The following GRIA3 variants were observed in gnomAD, a reference collection of about 807,000 sequenced individuals.
The protein encoded by GRIA3 is glutamate receptor 3.
Under a neutral mutation model 63.0 loss-of-function variants are expected in GRIA3, and 3 were observed. The observed-to-expected ratio is 0.05, with a 90% CI of 0.02 to 0.12. GRIA3 has a LOEUF of 0.12. Among genes scored for constraint, GRIA3 ranks in the 10% least tolerant of loss-of-function variants. The pLI is 1.00. For missense variants in GRIA3, 347 were observed against 700.9 expected (o/e 0.50, Z 5.70); for synonymous variants, 274 against 257.9 (o/e 1.06, Z -0.60).
At chrX:123,326,554 T>C (rs2044906399) in intron 4 of GRIA3, among the ~76,000 whole-genome samples, 1 of 111,710 alleles carries the variant, frequency 9.0e-6, no homozygotes, top group African/African-American at 3.3e-5. Context: ...CCATACCTTC[T>C]TCCCAACAGG....
chrX:123,483,884 A>G (rs1200347549), intron 15 of GRIA3, among the ~76,000 whole-genome samples: 1 of 110,934 alleles, frequency 9.0e-6, no homozygotes, highest in Non-Finnish European at 1.9e-5. Context: ...GTGAGCCGAG[A>G]TAGTGCCACT....
Position 123,404,810 on chromosome X carries a change from G to A in GRIA3, c.1396G>A (p.Val466Ile). 8.3e-7 allele frequency: 1 copy of A among 1,203,706 alleles called. No homozygotes were observed. The highest frequency in any genetic ancestry group is 1.1e-6 in the Non-Finnish European group (1 of 888,152). The stretch of plus-strand genomic sequence containing the variant: ...CCTAGCCTATGAAATAGCCAAACAT[G>A]TAAGGATCAAATACAAATTGTCCAT... The part of the protein sequence containing the change: ...VDLAYEIAKH[V>I]RIKYKLSIVG... The change falls in exon 10 of 16, where the codon GTA becomes ATA. Residue 466 changes from valine (V) to isoleucine (I), a missense_variant. Physicochemically the swap from Val to Ile is conservative, Grantham distance 29. Transcript: ENST00000620443.
At chrX:123,314,092 A>G (rs954564677) in intron 3 of GRIA3, among the ~76,000 whole-genome samples, 2 of 111,609 alleles carry the variant, frequency 1.8e-5, no homozygotes. Context: ...GTTGTGATCT[A>G]TGGTCAGCTC....
rs1407391033 is a variant in GRIA3, at chrX:123,490,158, GT to G, written c.*1451del. On this transcript the variant is annotated 3_prime_UTR_variant, in exon 16 of 16. Coordinates refer to ENST00000620443, the MANE Select transcript of GRIA3 (RefSeq NM_007325.5). ...TCTCATCGATAACGTGCATTGGGAA[GT>G]TTCCAGACTGCAAAAACTAGGAGCT... The G allele has an allele frequency of 8.9e-6, 1 of 112,825 alleles. No individual in the cohort carries two copies. Among genetic ancestry groups the G allele is most frequent in the Non-Finnish European group, 1.9e-5 (1 of 53,338 alleles). The allele number at this position is 112,825 out of a possible 1,213,427, so 9.3% of individuals were successfully genotyped here.
At chrX:123,456,069 C>T (rs2045759628) in intron 12 of GRIA3, among the ~76,000 whole-genome samples, 1 of 111,526 alleles carries the variant, frequency 9.0e-6, no homozygotes, top group Non-Finnish European at 1.9e-5. Context: ...GGCTAAAGCC[C>T]ACTATGGCAC....
chrX:123,248,584 G>A (rs1040258425), intron 2 of GRIA3, among the ~76,000 whole-genome samples: 6 of 111,173 alleles, frequency 5.4e-5, no homozygotes, highest in Non-Finnish European at 7.5e-5. Flanking sequence ...TCGGGAGTTC[G>A]AGACCAGCCT....
At chrX:123,380,454 G>T (rs142114168) in intron 5 of GRIA3, among the ~76,000 whole-genome samples, 1 of 111,421 alleles carries the variant, frequency 9.0e-6, no homozygotes, top group Non-Finnish European at 1.9e-5. Context: ...TTTTGAGAAG[G>T]GACTGTTCAT....
At chrX:123,184,676 G>A in intron 1 of GRIA3, 32 bp downstream of exon 1, 5 of 1,015,721 alleles carry the variant, frequency 4.9e-6, no homozygotes, top group Non-Finnish European at 7.0e-6. Context: ...GTCGGTCCAG[G>A]CTCTCCCTCA....
At chrX:123,291,766 C>G (rs760519593) in intron 3 of GRIA3, among the ~76,000 whole-genome samples, 2 of 110,151 alleles carry the variant, frequency 1.8e-5, no homozygotes, top group African/African-American at 6.6e-5. Context: ...GCAAGGGAGC[C>G]TGGGAAACAA....
intron 6 of GRIA3, among the ~76,000 whole-genome samples, chrX:123,397,990 T>C (rs1239765407): frequency 8.9e-6 from 1 of 112,005 alleles, no homozygotes; most frequent in Non-Finnish European, 1.9e-5. Flanking sequence ...AGAGGTGGCA[T>C]CATGAAGTAT....
At chrX:123,300,475 G>A (rs774129358) in intron 3 of GRIA3, among the ~76,000 whole-genome samples, 1 of 104,484 alleles carries the variant, frequency 9.6e-6, no homozygotes, top group African/African-American at 3.5e-5. Context: ...TCAGTCTTGG[G>A]AGGGTGTATG....
chrX:123,422,997 G>A (rs373280413), intron 11 of GRIA3, among the ~76,000 whole-genome samples: 1 of 111,807 alleles, frequency 8.9e-6, no homozygotes, highest in Non-Finnish European at 1.9e-5. Flanking sequence ...TTTTTAATAC[G>A]AAATTTATTT....
chrX:123,264,867 G>C (rs1201391580), intron 3 of GRIA3, among the ~76,000 whole-genome samples: 2 of 111,730 alleles, frequency 1.8e-5, no homozygotes, highest in Non-Finnish European at 3.8e-5. Flanking sequence ...GAATAGTCCC[G>C]TTAAGGGTGT....
intron 3 of GRIA3, among the ~76,000 whole-genome samples, chrX:123,281,922 T>TCAGA (rs2044588216): frequency 8.9e-6 from 1 of 111,912 alleles, no homozygotes; most frequent in Admixed American, 9.4e-5. Context: ...TACATAGGAC[T>TCAGA]CAGAGTGTGG....
intron 4 of GRIA3, among the ~76,000 whole-genome samples, chrX:123,353,605 A>T (rs2045113107): frequency 8.9e-6 from 1 of 112,057 alleles, no homozygotes; most frequent in African/African-American, 3.2e-5. Flanking sequence ...ACTTTGTTCT[A>T]AACCCTTTAA....
chrX:123,296,427 C>T (rs2044686056), intron 3 of GRIA3, among the ~76,000 whole-genome samples: 1 of 110,591 alleles, frequency 9.0e-6, no homozygotes, highest in Admixed American at 9.7e-5. Flanking sequence ...TTACCAGCAC[C>T]CTCCCCAATT....
At chrX:123,196,485 C>T (rs990353971) in intron 2 of GRIA3, among the ~76,000 whole-genome samples, 2 of 111,790 alleles carry the variant, frequency 1.8e-5, no homozygotes, top group Non-Finnish European at 3.8e-5. Context: ...ACAAATTCAG[C>T]TCCCTTTGCT....
rs747257050 is a variant in GRIA3, at chrX:123,189,783, C to A, written c.268+3793C>A. Reference sequence around the variant, plus strand: ...GGATTGAGAATAGGACTTAGGAGTGCAGGCTTTAATGGAGCCCCAGGTAAA... The same window carrying A: ...GGATTGAGAATAGGACTTAGGAGTGAAGGCTTTAATGGAGCCCCAGGTAAA... On this transcript the variant is annotated intron_variant, in intron 2 of 15. Transcript: ENST00000620443. Among the ~76,000 whole-genome samples the A allele has an allele frequency of 8.9e-5, 10 of 112,128 alleles. No homozygotes were observed. In the Admixed American group the frequency reaches 9.4e-4, roughly 11 times the overall value.
At chrX:123,235,809 G>A (rs931551566) in intron 2 of GRIA3, among the ~76,000 whole-genome samples, 10 of 101,451 alleles carry the variant, frequency 9.9e-5, no homozygotes, top group Admixed American at 3.1e-4. Context: ...GAGTGATTCC[G>A]GTGGCCAGAT....
Sources: allele counts gnomAD v4.1 joint callset (sites outside exome capture counted in the v4.1 genomes callset), GRCh38; gene constraint gnomAD v4.1.1; transcripts MANE v1.5; gene names NCBI Gene and HGNC (gene_info 2026-07-23, HGNC 2026-07-21).